UGT1A6: variants seen among roughly 807,000 people sequenced by gnomAD.
UGT1A6 encodes UDP-glucuronosyltransferase 1A6.
Under a neutral mutation model 44.4 loss-of-function variants are expected in UGT1A6, and 32 were observed. The observed-to-expected ratio is 0.72, with a 90% CI of 0.54 to 0.97. The LOEUF (loss-of-function observed/expected upper bound fraction) is 0.97. UGT1A6 is among the 50% of genes least tolerant of loss of function. The probability of loss-of-function intolerance (pLI) is 0.00; values close to 1 mark genes in which losing one functional copy is unlikely to be tolerated. For missense variants in UGT1A6, 685 were observed against 661.9 expected (o/e 1.03, Z -0.38); for synonymous variants, 238 against 248.5 (o/e 0.96, Z 0.40).
At chr2:233,753,211 T>A (rs964244574) in intron 1 of UGT1A6, 3 of 152,210 alleles carry the variant, frequency 2.0e-5, no homozygotes, top group African/African-American at 4.8e-5. Flanking sequence ...CAGTCTGTCT[T>A]ATTTTGATAC....
chr2:233,745,571 G>A (rs1471928952), intron 1 of UGT1A6, among the ~76,000 whole-genome samples: 1 of 151,668 alleles, frequency 6.6e-6, no homozygotes, highest in African/African-American at 2.4e-5. Flanking sequence ...ATAGCCTCTA[G>A]TGACATAACC....
At chr2:233,698,345 A>G (rs2075437206) in intron 1 of UGT1A6, among the ~76,000 whole-genome samples, 1 of 152,242 alleles carries the variant, frequency 6.6e-6, no homozygotes, top group African/African-American at 2.4e-5. Flanking sequence ...TCAGTTGCAA[A>G]ACATGAATGT....
At chr2:233,729,155 C>A in intron 1 of UGT1A6, 1 of 1,613,596 alleles carries the variant, frequency 6.2e-7, no homozygotes, top group Non-Finnish European at 8.5e-7. Flanking sequence ...GTTCCCCTGC[C>A]GTGGCTGGCC....
In UGT1A6 at chr2:233,693,562, A is replaced by C; in HGVS notation, c.558A>C (p.Pro186=). 6.2e-7 allele frequency: 1 copy of C among 1,614,236 alleles called. No individual in the cohort carries two copies. Among genetic ancestry groups the C allele is most frequent in the Non-Finnish European group, 8.5e-7 (1 of 1,180,032 alleles). Reference sequence around the variant, plus strand: ...TGGAGCATACATTCAGCAGAAGCCCAGACCCTGTGTCCTACATTCCCAGGT... The same window carrying C: ...TGGAGCATACATTCAGCAGAAGCCCCGACCCTGTGTCCTACATTCCCAGGT... ...CSLEHTFSRS[P]DPVSYIPRCY... Residue 186 remains proline, a synonymous_variant, in exon 1 of 5, where the codon CCA becomes CCC. Coordinates refer to ENST00000305139, the MANE Select transcript of UGT1A6 (RefSeq NM_001072.4).
intron 1 of UGT1A6, among the ~76,000 whole-genome samples, chr2:233,732,436 G>A (rs987831872): frequency 2.6e-5 from 4 of 152,194 alleles, no homozygotes; most frequent in Non-Finnish European, 4.4e-5. Flanking sequence ...GATTTTTATG[G>A]TTTTAGGTCT....
chr2:233,717,641 G>A (rs869283), intron 1 of UGT1A6: 163,407 of 385,870 alleles, frequency 0.42, 37,925 homozygotes, highest in African/African-American at 0.72. Flanking sequence ...ATCCTGGGGC[G>A]ACCAGGACAA....
In UGT1A6 at chr2:233,769,425, C is replaced by T; in HGVS notation, c.1301+986C>T. ...TGTGCGTGTGCGTTTGTGCATGTGGCTGTGCTCATGTGTGGGTGCACACGT... is the reference window on the plus strand; with the variant it reads ...TGTGCGTGTGCGTTTGTGCATGTGGTTGTGCTCATGTGTGGGTGCACACGT... On this transcript the variant is annotated intron_variant, in intron 4 of 4. Transcript: ENST00000305139. The surrounding 1 kb of genome is among the most constrained non-coding windows in gnomAD (Gnocchi z 4.4). The T allele has an allele frequency of 6.7e-7, 1 of 1,487,732 alleles. No homozygotes were observed. Among genetic ancestry groups the T allele is most frequent in the Non-Finnish European group, 9.3e-7 (1 of 1,075,832 alleles). 92.2% of individuals were successfully genotyped at this position (1,487,732 alleles called of 1,614,324 possible). A position where few individuals can be genotyped will look rare whatever the true frequency, so the allele number is the denominator to read the frequency against.
rs577014868 is a variant in UGT1A6, at chr2:233,772,525, G to A, written c.1565G>A (p.Arg522Gln). 2.1e-5 allele frequency: 34 copies of A among 1,614,136 alleles called. 1 individual carries two copies. In the South Asian group the frequency reaches 2.9e-4, roughly 14 times the overall value. The stretch of plus-strand genomic sequence containing the variant: ...CGGAAATGCTTGGGGAAAAAAGGGC[G>A]AGTTAAGAAAGCCCACAAATCCAAG... ...GYRKCLGKKG[R>Q]VKKAHKSKTH The change falls in exon 5 of 5, where the codon CGA becomes CAA. Residue 522 changes from arginine (R) to glutamine (Q), a missense_variant. Transcript: ENST00000305139.
chr2:233,747,435 T>C, intron 1 of UGT1A6: 2 of 1,608,866 alleles, frequency 1.2e-6, no homozygotes, highest in East Asian at 2.2e-5. Flanking sequence ...AGAGAAATTT[T>C]TCACCCTGAC....
chr2:233,748,553 T>G (rs1693970920), intron 1 of UGT1A6, among the ~76,000 whole-genome samples: 1 of 151,806 alleles, frequency 6.6e-6, no homozygotes, highest in Admixed American at 6.5e-5. Context: ...ACCTAAGCAC[T>G]CGCAGGAAGT....
intron 1 of UGT1A6, among the ~76,000 whole-genome samples, chr2:233,762,832 A>C (rs1698176538): frequency 6.6e-6 from 1 of 152,202 alleles, no homozygotes; most frequent in Admixed American, 6.5e-5. Flanking sequence ...CATAATAAAA[A>C]ATAATAGGCA....
intron 1 of UGT1A6, among the ~76,000 whole-genome samples, chr2:233,744,175 A>C (rs1324245746): frequency 1.3e-5 from 2 of 151,870 alleles, no homozygotes; most frequent in African/African-American, 4.9e-5. Flanking sequence ...TCCGGCCTCC[A>C]ACCAGCCATG....
chr2:233,762,002 C>A (rs1378101119), intron 1 of UGT1A6, among the ~76,000 whole-genome samples: 2 of 152,188 alleles, frequency 1.3e-5, no homozygotes, highest in Non-Finnish European at 2.9e-5. Flanking sequence ...TTCCACTATA[C>A]CTCCAATGTG....
intron 1 of UGT1A6, among the ~76,000 whole-genome samples, chr2:233,751,671 A>C (rs1207862608): frequency 1.3e-5 from 2 of 152,074 alleles, no homozygotes; most frequent in Non-Finnish European, 2.9e-5. Context: ...GTGAGTTCTA[A>C]TGAGAGCTGA....
chr2:233,738,299 G>A (rs1452652479), intron 1 of UGT1A6, among the ~76,000 whole-genome samples: 1 of 152,208 alleles, frequency 6.6e-6, no homozygotes, highest in Non-Finnish European at 1.5e-5. Flanking sequence ...TCTTGGGTAT[G>A]TCTTTATAGC....
intron 1 of UGT1A6, chr2:233,743,646 A>C (rs754114212): frequency 1.5e-6 from 2 of 1,367,250 alleles, no homozygotes; most frequent in Admixed American, 3.8e-5. Context: ...CGGAAGCTGA[A>C]GACGTACTCG....
chr2:233,710,202 T>C (rs1002766635), intron 1 of UGT1A6, among the ~76,000 whole-genome samples: 1 of 152,262 alleles, frequency 6.6e-6, no homozygotes, highest in African/African-American at 2.4e-5. Context: ...TTTCCAGTTG[T>C]TGGCTATTAT....
Position 233,737,047 on chromosome 2 carries a change from C to G in UGT1A6, c.862-29987C>G, listed in dbSNP as rs559935020. On this transcript the variant is annotated intron_variant, in intron 1 of 4. Coordinates refer to ENST00000305139, the MANE Select transcript of UGT1A6 (RefSeq NM_001072.4). ...CCATTCTCAGAGCTCAAATGCCATA[C>G]TAGGAGAACGAGTGCTCTCTTCAGA... Among the ~76,000 whole-genome samples the G allele has an allele frequency of 2.6e-4, 39 of 152,330 alleles. No homozygotes were observed. In the South Asian group the frequency reaches 7.7e-3, roughly 30 times the overall value.
intron 1 of UGT1A6, chr2:233,729,861 G>A (rs760591415): frequency 6.8e-6 from 11 of 1,613,756 alleles, no homozygotes; most frequent in Non-Finnish European, 8.5e-7. Flanking sequence ...AGGTGTCAGT[G>A]GTGGATATTC....
Sources: allele counts gnomAD v4.1 joint callset (sites outside exome capture counted in the v4.1 genomes callset), GRCh38; gene constraint gnomAD v4.1.1; non-coding constraint Gnocchi (gnomAD v3.1); transcripts MANE v1.5; gene names NCBI Gene and HGNC (gene_info 2026-07-23, HGNC 2026-07-21).